NRG1: variants seen among roughly 807,000 people sequenced by gnomAD.
NRG1 encodes pro-neuregulin-1, membrane-bound isoform.
Under a neutral mutation model 63.8 loss-of-function variants are expected in NRG1, and 18 were observed. That is an observed-to-expected ratio of 0.28 (90% CI 0.19 to 0.42). The LOEUF (loss-of-function observed/expected upper bound fraction) is 0.42. Among genes scored for constraint, NRG1 ranks in the 10% least tolerant of loss-of-function variants. NRG1 has a pLI of 1.00. For missense variants in NRG1, 762 were observed against 814.7 expected (o/e 0.94, Z 0.79); for synonymous variants, 302 against 301.3 (o/e 1.00, Z -0.02).
intron 1 of NRG1, among the ~76,000 whole-genome samples, chr8:32,376,370 C>T (rs933185016): frequency 6.6e-6 from 1 of 152,024 alleles, no homozygotes; most frequent in African/African-American, 2.4e-5. Context: ...TGGGGAGGTT[C>T]TTCTCCACCC....
chr8:32,683,802 CCTG>C (rs1174718014), intron 5 of NRG1, among the ~76,000 whole-genome samples: 1 of 151,780 alleles, frequency 6.6e-6, no homozygotes, highest in Non-Finnish European at 1.5e-5. Flanking sequence ...GTCATTGTCT[CCTG>C]CTGACTCAAC....
chr8:32,712,594 C>T (rs541341603), intron 5 of NRG1, among the ~76,000 whole-genome samples: 5 of 152,116 alleles, frequency 3.3e-5, no homozygotes, highest in Non-Finnish European at 5.9e-5. Context: ...ATGTTAACCT[C>T]GTTAAAATGA....
chr8:31,917,736 T>C (rs1394409010), intron 1 of NRG1, among the ~76,000 whole-genome samples: 1 of 152,202 alleles, frequency 6.6e-6, no homozygotes, highest in Non-Finnish European at 1.5e-5. Flanking sequence ...TTTCCAATTC[T>C]GTGAAGAAAG....
intron 1 of NRG1, among the ~76,000 whole-genome samples, chr8:32,482,243 T>A (rs978544845): frequency 6.6e-6 from 1 of 152,194 alleles, no homozygotes; most frequent in Admixed American, 6.5e-5. Context: ...GTTAAAATAC[T>A]GTCACTATGG....
At chr8:31,811,696 G>A (rs1822903303) in intron 1 of NRG1, among the ~76,000 whole-genome samples, 1 of 151,956 alleles carries the variant, frequency 6.6e-6, no homozygotes, top group Admixed American at 6.6e-5. Context: ...TAAAAAATGT[G>A]GACCATGCCT....
chr8:31,876,182 G>A (rs925595758), intron 1 of NRG1, among the ~76,000 whole-genome samples: 1 of 152,290 alleles, frequency 6.6e-6, no homozygotes, highest in Admixed American at 6.5e-5. Context: ...TTGCTTAAGA[G>A]CACAACATTT....
chr8:32,439,637 C>T (rs1819256040), intron 1 of NRG1, among the ~76,000 whole-genome samples: 1 of 152,094 alleles, frequency 6.6e-6, no homozygotes, highest in South Asian at 2.1e-4. Flanking sequence ...CTTAACAAAA[C>T]ATCATATTAG....
intron 1 of NRG1, among the ~76,000 whole-genome samples, chr8:32,481,185 A>T (rs1048123267): frequency 3.3e-5 from 5 of 152,048 alleles, no homozygotes; most frequent in Admixed American, 6.6e-5. Flanking sequence ...CTCTAAAAAA[A>T]TACAAAAATT....
At chr8:32,389,001 A>G (rs1393637753) in intron 1 of NRG1, among the ~76,000 whole-genome samples, 2 of 152,202 alleles carry the variant, frequency 1.3e-5, no homozygotes, top group Non-Finnish European at 2.9e-5. Flanking sequence ...CCACATTTTG[A>G]CCTTCTTGAA....
Position 31,828,072 on chromosome 8 carries a change from T to G in NRG1, c.37+188641T>G, listed in dbSNP as rs143571862. ...GCGAAGGTGCTTCTGCCACATATAT[T>G]ATCATAGTGTTAGTAAGGCCAGGAA... is the stretch of plus-strand genomic sequence containing the variant. On this transcript the variant is annotated intron_variant, in intron 1 of 10. Transcript: ENST00000519301. Among the ~76,000 whole-genome samples, 262 of 152,334 alleles carry G rather than the reference T, an allele frequency of 1.7e-3. 2 individuals are homozygous for G. The highest frequency in any genetic ancestry group is 3.4e-3 in the Middle Eastern group (1 of 294).
chr8:32,398,769 G>A (rs910149544), intron 1 of NRG1, among the ~76,000 whole-genome samples: 11 of 152,032 alleles, frequency 7.2e-5, no homozygotes, highest in Non-Finnish European at 1.6e-4. Flanking sequence ...CTGAACAGTT[G>A]GCCTGGGTGG....
chr8:31,849,184 CA>C (rs1181803481), intron 1 of NRG1, among the ~76,000 whole-genome samples: 1 of 152,166 alleles, frequency 6.6e-6, no homozygotes, highest in Non-Finnish European at 1.5e-5. Flanking sequence ...ATTCATCCAA[CA>C]GGCATCTAAA....
At chr8:31,987,758 A>G (rs186043612) in intron 1 of NRG1, among the ~76,000 whole-genome samples, 6 of 152,216 alleles carry the variant, frequency 3.9e-5, no homozygotes, top group African/African-American at 1.4e-4. Context: ...GGAAGGAAAA[A>G]AAAGGGATAG....
chr8:32,746,020 G>T (rs1370683790), intron 7 of NRG1, among the ~76,000 whole-genome samples: 1 of 152,030 alleles, frequency 6.6e-6, no homozygotes, highest in African/African-American at 2.4e-5. Context: ...AATTATTCTT[G>T]TTCATCAAAC....
intron 1 of NRG1, among the ~76,000 whole-genome samples, chr8:32,116,971 CAAAA>C (rs756283492): frequency 6.3e-5 from 2 of 31,548 alleles, no homozygotes; most frequent in Non-Finnish European, 1.6e-4. Flanking sequence ...CCTGTCTCTA[CAAAA>C]AAAAAAAAAA....
chr8:32,107,708 G>A (rs1016041860), intron 1 of NRG1, among the ~76,000 whole-genome samples: 4 of 152,160 alleles, frequency 2.6e-5, no homozygotes, highest in Non-Finnish European at 4.4e-5. Context: ...AAAATATGTA[G>A]TCTTTAGTAG....
At chr8:31,914,209 T>A (rs1320087031) in intron 1 of NRG1, among the ~76,000 whole-genome samples, 3 of 152,140 alleles carry the variant, frequency 2.0e-5, no homozygotes, top group Non-Finnish European at 4.4e-5. Context: ...ATTCTATGCC[T>A]TTTTTAGCCA....
intron 1 of NRG1, among the ~76,000 whole-genome samples, chr8:32,184,600 G>GA (rs545238367): frequency 2.8e-4 from 41 of 145,986 alleles, no homozygotes; most frequent in East Asian, 9.9e-4. Context: ...TTAGTTTTGT[G>GA]AAAAAAAAAA....
At chr8:32,564,457 CAT>C (rs1461464858) in intron 1 of NRG1, among the ~76,000 whole-genome samples, 1 of 152,170 alleles carries the variant, frequency 6.6e-6, no homozygotes, top group African/African-American at 2.4e-5. Flanking sequence ...AGCTAAGCAT[CAT>C]TATTTCTAGT....
Sources: gnomAD v4.1 joint callset for allele counts (sites outside exome capture counted in the v4.1 genomes callset) on GRCh38, gnomAD v4.1.1 for gene constraint, MANE v1.5 for transcripts, NCBI Gene and HGNC (gene_info 2026-07-23, HGNC 2026-07-21) for gene names.